CACNB4: variants seen among roughly 807,000 people sequenced by gnomAD.
CACNB4 encodes voltage-dependent L-type calcium channel subunit beta-4.
In CACNB4, 32 loss-of-function variants were observed where a neutral mutation model predicts 71.2. That is an observed-to-expected ratio of 0.45 (90% CI 0.34 to 0.60). CACNB4 has a LOEUF of 0.60. CACNB4 is among the 20% of genes least tolerant of loss of function. The pLI, the probability that CACNB4 is intolerant of heterozygous loss-of-function variation, is 0.01. For synonymous variants in CACNB4, 231 were observed against 236.9 expected, an observed-to-expected ratio of 0.97 and a Z score of 0.23; for missense variants, 464 against 647.9, an observed-to-expected ratio of 0.72 and a Z score of 3.08.
chr2:151,876,956 T>C lies in CACNB4; in HGVS notation c.391-400A>G, dbSNP rs1347023423. Among the ~76,000 whole-genome samples, 5 of 147,226 alleles carry C rather than the reference T, an allele frequency of 3.4e-5. No individual in the cohort carries two copies. The Admixed American group carries it at 3.4e-4, about 10-fold the overall frequency. On this transcript the variant is annotated intron_variant, in intron 4 of 13. Transcript: ENST00000539935. ...ATATACTATATTTATATAAACTATA[T>C]TGTGTATGTATATATGTGTATATAT...
chr2:151,856,887 A>G (rs2099840456), intron 10 of CACNB4: 1 of 151,786 alleles, frequency 6.6e-6, no homozygotes, highest in South Asian at 2.1e-4. Context: ...TAAATTTTTT[A>G]TTTTTTGTAG....
At chr2:152,003,161 G>A (rs913896627) in intron 2 of CACNB4, among the ~76,000 whole-genome samples, 16 of 152,028 alleles carry the variant, frequency 1.1e-4, no homozygotes, top group Non-Finnish European at 1.8e-4. Context: ...AACATATCTC[G>A]GCCGGGCATG....
intron 2 of CACNB4, among the ~76,000 whole-genome samples, chr2:151,994,094 C>T (rs984270382): frequency 3.3e-5 from 5 of 151,784 alleles, no homozygotes; most frequent in Non-Finnish European, 5.9e-5. Context: ...ATTGCTTTAG[C>T]CCAGGAGTTT....
At chr2:151,900,815 G>C (rs1008946804) in intron 2 of CACNB4, among the ~76,000 whole-genome samples, 1 of 151,948 alleles carries the variant, frequency 6.6e-6, no homozygotes, top group African/African-American at 2.4e-5. Flanking sequence ...TTCCAAAAAG[G>C]TCTAAAAATG....
chr2:152,098,225 G>A lies in CACNB4; in HGVS notation c.147+105C>T. The A allele has an allele frequency of 7.0e-6, 6 of 851,578 alleles. No individual in the cohort carries two copies. In the South Asian group the frequency reaches 7.4e-5, roughly 11 times the overall value. 52.8% of individuals were successfully genotyped at this position (851,578 alleles called of 1,614,324 possible). ...CGAGGCCGGGAAGAGACGCGCGCGG[G>A]CTTGACCCGCAGCTCCCGCACGTGT... On this transcript the variant is annotated intron_variant, in intron 2 of 13. Transcript: ENST00000539935. The surrounding 1 kb of genome is among the most constrained non-coding windows in gnomAD (Gnocchi z 5.3).
At chr2:152,012,853 T>C (rs756918850) in intron 2 of CACNB4, among the ~76,000 whole-genome samples, 36 of 152,268 alleles carry the variant, frequency 2.4e-4, no homozygotes, top group Middle Eastern at 3.4e-3. Flanking sequence ...AAGTCTACAG[T>C]AGTGGACAGT....
chr2:152,035,624 C>CTCTCTCTCT (rs1684529446), intron 2 of CACNB4, among the ~76,000 whole-genome samples: 5 of 31,306 alleles, frequency 1.6e-4, no homozygotes, highest in African/African-American at 3.7e-4. Flanking sequence ...TCTCTCCCTC[C>CTCTCTCTCT]CTCTCCCTCT....
chr2:152,061,771 G>C (rs541731370), intron 2 of CACNB4, among the ~76,000 whole-genome samples: 1 of 152,140 alleles, frequency 6.6e-6, no homozygotes, highest in East Asian at 1.9e-4. Flanking sequence ...CAGCACTCTG[G>C]GAGGCCGAGG....
At chr2:151,942,250 G>A (rs1024248592) in intron 2 of CACNB4, among the ~76,000 whole-genome samples, 4 of 149,168 alleles carry the variant, frequency 2.7e-5, no homozygotes, top group Non-Finnish European at 4.4e-5. Flanking sequence ...CAAATGGAGG[G>A]ACTGGCTGGA....
intron 2 of CACNB4, among the ~76,000 whole-genome samples, chr2:152,030,412 A>G (rs1017399379): frequency 3.3e-5 from 5 of 152,210 alleles, no homozygotes; most frequent in Non-Finnish European, 7.3e-5. Flanking sequence ...ATGATCTCAT[A>G]ATTTTAGAAA....
At chr2:151,869,076 G>T in intron 9 of CACNB4, 101 bp downstream of exon 9, 1 of 716,740 alleles carries the variant, frequency 1.4e-6, no homozygotes, top group Non-Finnish European at 2.4e-6. Context: ...CTTTTAACTA[G>T]AGAACTTCTG....
intron 2 of CACNB4, among the ~76,000 whole-genome samples, chr2:151,957,630 T>C (rs192613426): frequency 1.2e-4 from 18 of 152,316 alleles, no homozygotes; most frequent in Non-Finnish European, 2.4e-4. Flanking sequence ...TGACCCAGTA[T>C]TTCTCAAAGA....
At chr2:151,965,880 A>AAT (rs2099870964) in intron 2 of CACNB4, among the ~76,000 whole-genome samples, 1 of 152,114 alleles carries the variant, frequency 6.6e-6, no homozygotes, top group South Asian at 2.1e-4. Flanking sequence ...TAAATAAAAC[A>AAT]TTTTCCTTTT....
rs1400771622 is a variant in CACNB4 at position 151,883,344 on chromosome 2, C to T, written c.174G>A (p.Arg58=). 2.5e-6 allele frequency: 4 copies of T among 1,613,670 alleles called. No individual in the cohort carries two copies. The Admixed American group carries it at 5.0e-5, about 20-fold the overall frequency. ...RQGSADSYTS[R]PSDSDVSLEE... is the part of the protein sequence containing the mutation. ...CCAAAGAGACATCGGAGTCAGACGG[C>T]CTGCTTGTGTAGGAATCCGCTGAAC... The change falls in exon 3 of 14, where the codon AGG becomes AGA. Residue 58 remains arginine (R), a synonymous_variant. Transcript: ENST00000539935.
intron 2 of CACNB4, chr2:151,974,123 T>C (rs964803172): frequency 1.4e-5 from 3 of 212,600 alleles, no homozygotes; most frequent in Non-Finnish European, 2.5e-5. Flanking sequence ...AGTTCTACAA[T>C]AAACACTTAT....
intron 4 of CACNB4, chr2:151,880,415 T>C: frequency 3.7e-6 from 1 of 271,818 alleles, no homozygotes; most frequent in Non-Finnish European, 7.0e-6. Flanking sequence ...TGTCTATAAT[T>C]ACAACATCCC....
chr2:151,875,515 T>A (rs1408744304), intron 5 of CACNB4, among the ~76,000 whole-genome samples: 4 of 151,510 alleles, frequency 2.6e-5, no homozygotes, highest in Admixed American at 6.6e-5. Context: ...TGGGTACACC[T>A]CCCAGACGGG....
chr2:151,954,937 T>TC (rs2099867841), intron 2 of CACNB4, among the ~76,000 whole-genome samples: 1 of 136,838 alleles, frequency 7.3e-6, no homozygotes, highest in African/African-American at 2.7e-5. Flanking sequence ...CACTGCAAGC[T>TC]CCGCCTCCCA....
At chr2:151,841,342 G>A (rs958332763) in intron 13 of CACNB4, among the ~76,000 whole-genome samples, 14 of 152,190 alleles carry the variant, frequency 9.2e-5, no homozygotes, top group African/African-American at 3.1e-4. Context: ...GGAGGCCAAG[G>A]CAGGAAGATT....
Sources: allele counts gnomAD v4.1 joint callset (sites outside exome capture counted in the v4.1 genomes callset), GRCh38; gene constraint gnomAD v4.1.1; non-coding constraint Gnocchi (gnomAD v3.1); transcripts MANE v1.5; gene names NCBI Gene and HGNC (gene_info 2026-07-23, HGNC 2026-07-21).